Variants in PLIN3 observed in about 807,000 individuals in gnomAD.
The protein encoded by PLIN3 is perilipin 3.
A neutral mutation model predicts 35.9 loss-of-function variants in PLIN3; 30 were observed. That is an observed-to-expected ratio of 0.84 (90% confidence interval 0.62 to 1.13). PLIN3 has a LOEUF of 1.13. PLIN3 is among the 50% of genes most tolerant of loss of function. The pLI, the probability that PLIN3 is intolerant of heterozygous loss-of-function variation, is 0.00. For synonymous variants in PLIN3, 261 were observed against 262.5 expected (o/e 0.99, Z 0.06); for missense variants, 603 against 596.9 (o/e 1.01, Z -0.11).
chr19:4,860,351 T>C (rs568738705), intron 2 of PLIN3, among the ~76,000 whole-genome samples: 4 of 152,024 alleles, frequency 2.6e-5, no homozygotes, highest in African/African-American at 9.6e-5. Context: ...GGATTACGGG[T>C]GCCACCACGC....
chr19:4,860,172 G>A, intron 2 of PLIN3, 148 bp from the exon 3 acceptor site: 2 of 666,368 alleles, frequency 3.0e-6, no homozygotes, highest in South Asian at 3.7e-5. Context: ...AGTTGCACAA[G>A]CCAGGAACCT....
intron 1 of PLIN3, among the ~76,000 whole-genome samples, chr19:4,863,312 A>G (rs2030735249): frequency 6.6e-6 from 1 of 151,824 alleles, no homozygotes; most frequent in South Asian, 2.1e-4. Context: ...AGCCTGACCA[A>G]CATGGAGAAA....
intron 4 of PLIN3, among the ~76,000 whole-genome samples, chr19:4,857,012 C>T (rs1340831818): frequency 6.6e-6 from 1 of 152,068 alleles, no homozygotes; most frequent in Non-Finnish European, 1.5e-5. Flanking sequence ...GTCTGTGCCT[C>T]ATTTTTTCAT....
chr19:4,839,115 A>T lies in PLIN3; in HGVS notation c.*77T>A, dbSNP rs1218660990. 1.6e-6 allele frequency: 2 copies of T among 1,216,784 alleles called. No individual in the cohort carries two copies. The highest frequency in any genetic ancestry group is 3.0e-5 in the African/African-American group (2 of 66,020). 75.4% of individuals were successfully genotyped at this position (1,216,784 alleles called of 1,614,324 possible). A position where few individuals can be genotyped will look rare whatever the true frequency, so the allele number is the denominator to read the frequency against. On this transcript the variant is annotated 3_prime_UTR_variant, in exon 8 of 8. Transcript: ENST00000221957. ...GAGGAGTGGCTAGAAAATAAGTTTG[A>T]AATGAGCCCCGGGTTGAGGACTCCA...
chr19:4,845,673 C>T (rs2030063875), intron 6 of PLIN3, among the ~76,000 whole-genome samples: 1 of 152,062 alleles, frequency 6.6e-6, no homozygotes, highest in Admixed American at 6.6e-5. Context: ...ACCTGTAATC[C>T]CAGCACTTTG....
In PLIN3 at chr19:4,859,851, C is replaced by A. The variant is rs370874870; in HGVS notation, c.240G>T (p.Pro80=). 1 of 1,613,060 alleles carries A rather than the reference C, an allele frequency of 6.2e-7. No individual in the cohort carries two copies. The highest frequency in any genetic ancestry group is 8.5e-7 in the Non-Finnish European group (1 of 1,179,960). ...TCTGGGGCTCCAGCTTGGAGAGGAT[C>A]GGCTGAGCCCCGCTGACAGCAGCCG... ...LTAAAVSGAQ[P]ILSKLEPQIA... Residue 80 remains proline (P), a synonymous_variant, in exon 3 of 8, where the codon CCG becomes CCT. Coordinates refer to ENST00000221957, the MANE Select transcript of PLIN3 (RefSeq NM_005817.5).
intron 4 of PLIN3, 128 bp from the exon 5 acceptor site, chr19:4,852,429 C>G (rs192661650): frequency 8.7e-7 from 1 of 1,145,110 alleles, no homozygotes; most frequent in African/African-American, 1.5e-5. Context: ...GCATCTCCGT[C>G]TTCCCTCTGT....
chr19:4,846,885 C>T (rs115562272), intron 6 of PLIN3, among the ~76,000 whole-genome samples: 3,648 of 146,986 alleles, frequency 0.025, 146 homozygotes, highest in African/African-American at 0.086. Flanking sequence ...CCAGACAGTA[C>T]GAATTTTTTT....
At chr19:4,861,602 G>A (rs563391555) in intron 1 of PLIN3, among the ~76,000 whole-genome samples, 191 bp from the exon 2 acceptor site, 1 of 150,406 alleles carries the variant, frequency 6.6e-6, no homozygotes, top group South Asian at 2.1e-4. Context: ...CTAAAGCTTC[G>A]GGATGGGGCT....
Position 4,852,286 on chromosome 19 carries a change from T to TG in PLIN3, c.363dup (p.Lys122GlnfsTer7). The TG allele has an allele frequency of 6.2e-7, 1 of 1,602,946 alleles. No individual in the cohort carries two copies. Among genetic ancestry groups the TG allele is most frequent in the South Asian group, 1.1e-5 (1 of 91,074 alleles). On this transcript the variant is annotated frameshift_variant, in exon 5 of 8. Coordinates refer to ENST00000221957, the MANE Select transcript of PLIN3 (RefSeq NM_005817.5). LOFTEE classifies it high-confidence loss of function. ...GACACCTTAGACGACACAAGCTCCT[T>TG]GGTGTCCGCCAGGACCTAGGAGATG...
At chr19:4,860,057 T>G (rs768324051) in intron 2 of PLIN3, 33 bp from the exon 3 acceptor site, 5 of 1,594,408 alleles carry the variant, frequency 3.1e-6, no homozygotes, top group Non-Finnish European at 4.3e-6. Context: ...GCAAACTGGG[T>G]GGGGGAAGAT....
intron 6 of PLIN3, among the ~76,000 whole-genome samples, chr19:4,847,337 G>A (rs1051003985): frequency 2.6e-5 from 4 of 151,868 alleles, no homozygotes; most frequent in Non-Finnish European, 4.4e-5. Flanking sequence ...TTACAGGCAC[G>A]CACCACCACA....
intron 4 of PLIN3, among the ~76,000 whole-genome samples, chr19:4,856,812 A>T (rs2030492119): frequency 6.7e-6 from 1 of 149,606 alleles, no homozygotes; most frequent in Admixed American, 6.7e-5. Context: ...TTCAAGTGAT[A>T]CTCGTGCCTC....
intron 5 of PLIN3, among the ~76,000 whole-genome samples, chr19:4,849,474 T>A (rs2030214186): frequency 6.6e-6 from 1 of 151,998 alleles, no homozygotes; most frequent in Non-Finnish European, 1.5e-5. Context: ...CACACCCAGC[T>A]AATTTTTAAA....
intron 2 of PLIN3, among the ~76,000 whole-genome samples, chr19:4,860,363 C>G (rs1458737917): frequency 1.3e-5 from 2 of 151,950 alleles, no homozygotes; most frequent in Non-Finnish European, 2.9e-5. Context: ...CCACCACGCC[C>G]AGCTAATTTT....
chr19:4,854,809 T>A (rs2030419334), intron 4 of PLIN3, among the ~76,000 whole-genome samples: 1 of 151,806 alleles, frequency 6.6e-6, no homozygotes, highest in Non-Finnish European at 1.5e-5. Context: ...ATTGCACCTC[T>A]CAAAAAGTCA....
chr19:4,864,480 TTTTG>T (rs1279683177), intron 1 of PLIN3, among the ~76,000 whole-genome samples: 4 of 150,342 alleles, frequency 2.7e-5, no homozygotes, highest in Admixed American at 6.7e-5. Flanking sequence ...GTTGTTGTTG[TTTTG>T]TTTGTTTGTT....
At chr19:4,859,774 C>T (rs2030605169) in intron 3 of PLIN3, 52 bp downstream of exon 3, 2 of 1,605,412 alleles carry the variant, frequency 1.2e-6, no homozygotes, top group Admixed American at 1.7e-5. Context: ...CTACTCCCCA[C>T]CCAGGGAAAT....
intron 4 of PLIN3, among the ~76,000 whole-genome samples, chr19:4,858,752 A>G (rs1382067886): frequency 7.7e-6 from 1 of 129,232 alleles, no homozygotes; most frequent in Non-Finnish European, 1.6e-5. Flanking sequence ...CCCAGGCTAG[A>G]GTGCAATGGC....
Sources: allele counts gnomAD v4.1 joint callset (sites outside exome capture counted in the v4.1 genomes callset), GRCh38; gene constraint gnomAD v4.1.1; transcripts MANE v1.5; gene names NCBI Gene and HGNC (gene_info 2026-07-23, HGNC 2026-07-21).